Variants in SLC6A11 observed in about 807,000 individuals in gnomAD.
The protein encoded by SLC6A11 is sodium- and chloride-dependent GABA transporter 3.
SLC6A11 carries 25 observed loss-of-function variants against 74.8 expected under a neutral mutation model. The ratio of observed to expected loss-of-function variants is 0.33; its 90% CI spans 0.24 to 0.47. SLC6A11 has a LOEUF of 0.47. SLC6A11 is among the 20% of genes least tolerant of loss of function. The pLI is 1.00. For missense variants in SLC6A11, 574 were observed against 837.0 expected, an observed-to-expected ratio of 0.69 and a Z score of 3.88; for synonymous variants, 330 against 330.2, an observed-to-expected ratio of 1.00 and a Z score of 0.01.
chr3:10,886,995 G>T (rs1159041906), intron 6 of SLC6A11, among the ~76,000 whole-genome samples: 1 of 152,200 alleles, frequency 6.6e-6, no homozygotes, highest in Non-Finnish European at 1.5e-5. Context: ...TATCCGCTGT[G>T]AACTTCTCAG....
In SLC6A11 at chr3:10,935,042, T is replaced by C. The variant is rs1695740819; in HGVS notation, c.1589T>C (p.Phe530Ser). The C allele has an allele frequency of 6.2e-7, 1 of 1,613,860 alleles. No homozygotes were observed. The highest frequency in any genetic ancestry group is 1.1e-5 in the South Asian group (1 of 91,046). The part of the protein sequence containing the change: ...TPGICAGIFI[F>S]FLIKYKPLKY... ...ATCTCTCTGCAGGGGATCTTCATCT[T>C]CTTCTTGATCAAGTACAAGCCACTC... Residue 530 changes from phenylalanine (F) to serine (S), a missense_variant, in exon 13 of 14, where the codon TTC becomes TCC. Transcript: ENST00000254488.
intron 5 of SLC6A11, among the ~76,000 whole-genome samples, chr3:10,859,824 C>T (rs1281383724): frequency 1.3e-5 from 2 of 152,078 alleles, no homozygotes; most frequent in Non-Finnish European, 2.9e-5. Context: ...GAACATTTAC[C>T]AGAAGTATAA....
chr3:10,938,208 C>A, intron 13 of SLC6A11, 42 bp from the exon 14 acceptor site: 1 of 1,544,324 alleles, frequency 6.5e-7, no homozygotes, highest in South Asian at 1.2e-5. Context: ...TGGACCCTGG[C>A]AGCTAATCAC....
Position 10,834,218 on chromosome 3 carries a change from G to A in SLC6A11, c.624-9996G>A, listed in dbSNP as rs186444687. Among the ~76,000 whole-genome samples, 718 of 152,338 alleles carry A rather than the reference G, an allele frequency of 4.7e-3. 18 individuals carry two copies. The highest frequency in any genetic ancestry group is 0.038 in the Admixed American group (578 of 15,306). ...ACCCAGCCATCTGCATCTCTCTGCC[G>A]TTCCAGGCTTCTTCCTGTGTGTGAA... On this transcript the variant is annotated intron_variant, in intron 4 of 13. Transcript: ENST00000254488.
At chr3:10,840,906 T>C (rs1241870255) in intron 4 of SLC6A11, among the ~76,000 whole-genome samples, 1 of 152,082 alleles carries the variant, frequency 6.6e-6, no homozygotes, top group Non-Finnish European at 1.5e-5. Context: ...TGAAAAGCCA[T>C]TGAAGGTAGG....
At chr3:10,936,538 G>A (rs747011450) in intron 13 of SLC6A11, among the ~76,000 whole-genome samples, 13 of 136,614 alleles carry the variant, frequency 9.5e-5, no homozygotes, top group Non-Finnish European at 1.8e-4. Context: ...CCTGCCCACC[G>A]AGGGGCCTGG....
chr3:10,932,153 C>T (rs1242691781), intron 10 of SLC6A11, among the ~76,000 whole-genome samples: 2 of 152,142 alleles, frequency 1.3e-5, no homozygotes, highest in African/African-American at 4.8e-5. Flanking sequence ...CAGCTGGTGT[C>T]CTCTCTCCTC....
chr3:10,820,394 T>G (rs1694122440), intron 3 of SLC6A11, among the ~76,000 whole-genome samples: 1 of 152,212 alleles, frequency 6.6e-6, no homozygotes, highest in Admixed American at 6.5e-5. Flanking sequence ...TCTTAAAAAC[T>G]TAAACGATCT....
chr3:10,924,717 A>G (rs1695579799), intron 8 of SLC6A11, among the ~76,000 whole-genome samples: 1 of 152,250 alleles, frequency 6.6e-6, no homozygotes, highest in Admixed American at 6.5e-5. Context: ...AGACATATGA[A>G]TAGACAATAA....
At chr3:10,855,463 C>A (rs1286224108) in intron 5 of SLC6A11, among the ~76,000 whole-genome samples, 1 of 152,200 alleles carries the variant, frequency 6.6e-6, no homozygotes, top group East Asian at 1.9e-4. Context: ...CTTCTCCCAC[C>A]CTCATCCTTC....
In SLC6A11 at chr3:10,874,940, G is replaced by A. The variant is rs369209464; in HGVS notation, c.757-21G>A. ...TTGCTCTCACCCCCTTCTTGATTCT[G>A]TCCTCTCCTCTTGTGCACAGGTTGT... On this transcript the variant is annotated intron_variant, in intron 5 of 13. Coordinates refer to ENST00000254488, the MANE Select transcript of SLC6A11 (RefSeq NM_014229.3). 1.2e-5 allele frequency: 19 copies of A among 1,588,812 alleles called. 1 individual carries two copies. In the South Asian group the frequency reaches 1.7e-4, roughly 14 times the overall value.
At chr3:10,933,826 A>G (rs992606088) in intron 11 of SLC6A11, 7 of 369,658 alleles carry the variant, frequency 1.9e-5, no homozygotes, top group African/African-American at 1.0e-4. Flanking sequence ...GAAATTCATC[A>G]TTTCCTGGGC....
chr3:10,934,994 C>T (rs1217624471), intron 12 of SLC6A11, 35 bp from the exon 13 acceptor site: 1 of 1,591,660 alleles, frequency 6.3e-7, no homozygotes, highest in East Asian at 2.2e-5. Context: ...GGCTGAGGGC[C>T]CATCCCCCAG....
chr3:10,816,418 C>A lies in SLC6A11; in HGVS notation c.153C>A (p.Gly51=). Reference sequence around the variant, plus strand: ...GCGACAAGGCGGTCCACGAGCGCGGCCACTGGAACAACAAGGTGGAGTTCG... The same window carrying A: ...GCGACAAGGCGGTCCACGAGCGCGGACACTGGAACAACAAGGTGGAGTTCG... ...VKRDKAVHER[G]HWNNKVEFVL... The change falls in exon 1 of 14, where the codon GGC becomes GGA. Residue 51 remains glycine, a synonymous_variant. Transcript: ENST00000254488. This position sits in a 1 kb window ranked among gnomAD's most constrained non-coding sequence, Gnocchi z 4.2. The A allele has an allele frequency of 6.3e-7, 1 of 1,598,256 alleles. No homozygotes were observed. The highest frequency in any genetic ancestry group is 8.5e-7 in the Non-Finnish European group (1 of 1,173,174).
intron 5 of SLC6A11, among the ~76,000 whole-genome samples, chr3:10,864,158 C>G (rs1314322625): frequency 1.1e-4 from 16 of 151,972 alleles, no homozygotes; most frequent in Non-Finnish European, 1.6e-4. Flanking sequence ...CTCTCATTAC[C>G]AAATAATAGA....
At chr3:10,908,480 T>C (rs938649027) in intron 6 of SLC6A11, among the ~76,000 whole-genome samples, 6 of 152,048 alleles carry the variant, frequency 3.9e-5, no homozygotes, top group Non-Finnish European at 7.4e-5. Flanking sequence ...GAGAGCAAGA[T>C]GGAAAAATCA....
chr3:10,817,677 C>T (rs573108656), intron 1 of SLC6A11, among the ~76,000 whole-genome samples: 1 of 152,308 alleles, frequency 6.6e-6, no homozygotes, highest in Non-Finnish European at 1.5e-5. Flanking sequence ...ACTTCCTGTG[C>T]GAGCAGCTGC....
chr3:10,873,389 CCTATCCTATG>C (rs879807124), intron 5 of SLC6A11, among the ~76,000 whole-genome samples: 17,976 of 42,234 alleles, frequency 0.43, 2,420 homozygotes, highest in East Asian at 0.51. Context: ...ATTATTGTAT[CCTATCCTATG>C]CTATCCTATC....
chr3:10,823,484 G>A, intron 4 of SLC6A11, 92 bp downstream of exon 4: 1 of 837,066 alleles, frequency 1.2e-6, no homozygotes, highest in Non-Finnish European at 2.0e-6. Context: ...GAAAAAGCCT[G>A]ATCCTTCTTG....
Sources: allele counts gnomAD v4.1 joint callset (sites outside exome capture counted in the v4.1 genomes callset), GRCh38; gene constraint gnomAD v4.1.1; non-coding constraint Gnocchi (gnomAD v3.1); transcripts MANE v1.5; gene names NCBI Gene and HGNC (gene_info 2026-07-23, HGNC 2026-07-21).